The following ATRNL1 variants were observed in gnomAD, a reference collection of about 807,000 sequenced individuals.
ATRNL1 encodes the protein attractin like 1.
Under a neutral mutation model 182.7 loss-of-function variants are expected in ATRNL1, and 95 were observed. The observed-to-expected ratio is 0.52, with a 90% CI of 0.44 to 0.62. The LOEUF (loss-of-function observed/expected upper bound fraction) is 0.62. Ranked by LOEUF, ATRNL1 falls within the 20% of genes least tolerant of loss-of-function variation. The probability of loss-of-function intolerance (pLI) is 0.00; values close to 1 mark genes in which losing one functional copy is unlikely to be tolerated. For synonymous variants in ATRNL1, 576 were observed against 568.3 expected, an observed-to-expected ratio of 1.01 and a Z score of -0.19; for missense variants, 1,471 against 1,679.5, an observed-to-expected ratio of 0.88 and a Z score of 2.17.
intron 18 of ATRNL1, among the ~76,000 whole-genome samples, chr10:115,332,315 C>A (rs1855264111): frequency 6.6e-6 from 1 of 152,126 alleles, no homozygotes; most frequent in African/African-American, 2.4e-5. Flanking sequence ...GCTTCACAGC[C>A]TTACTTGTGC....
At chr10:115,556,982 T>C (rs1170414588) in intron 26 of ATRNL1, among the ~76,000 whole-genome samples, 2 of 151,920 alleles carry the variant, frequency 1.3e-5, no homozygotes, top group East Asian at 3.9e-4. Flanking sequence ...CAGCCAAGTG[T>C]GTTTATTATT....
In ATRNL1 at chr10:115,419,735, T is replaced by C. The variant is rs189732528; in HGVS notation, c.3270-6515T>C. Among the ~76,000 whole-genome samples, 25 of 152,290 alleles carry C rather than the reference T, an allele frequency of 1.6e-4. No homozygotes were observed. The East Asian group carries it at 4.4e-3, about 27-fold the overall frequency. On this transcript the variant is annotated intron_variant, in intron 20 of 28. Coordinates refer to ENST00000355044, the MANE Select transcript of ATRNL1 (RefSeq NM_207303.4). Reference sequence around the variant, plus strand: ...GCAAGCAGATACAATTATAAACATATATGTGCCCACTAGCAGAGGACCTAT... The same window carrying C: ...GCAAGCAGATACAATTATAAACATACATGTGCCCACTAGCAGAGGACCTAT...
intron 24 of ATRNL1, among the ~76,000 whole-genome samples, chr10:115,470,660 A>G (rs1334391660): frequency 6.6e-6 from 1 of 150,532 alleles, no homozygotes. Context: ...TGAATACTTA[A>G]TGGTTAGGAA....
intron 19 of ATRNL1, among the ~76,000 whole-genome samples, chr10:115,394,219 T>C (rs74880703): frequency 1.2e-3 from 181 of 152,194 alleles, no homozygotes; most frequent in African/African-American, 4.1e-3. Context: ...AGTGCTGTTA[T>C]TCTTCTTTTG....
intron 21 of ATRNL1, among the ~76,000 whole-genome samples, chr10:115,438,776 T>C (rs1448043723): frequency 6.6e-6 from 1 of 151,980 alleles, no homozygotes; most frequent in African/African-American, 2.4e-5. Flanking sequence ...GATGAGAGAC[T>C]GATTATCTTG....
At position 115,558,902 on chromosome 10, in the gene ATRNL1, T is replaced by C. The variant is rs927208672; in HGVS notation, c.3795+9366T>C. On this transcript the variant is annotated intron_variant, in intron 26 of 28. Coordinates refer to ENST00000355044, the MANE Select transcript of ATRNL1 (RefSeq NM_207303.4). ...AGCTCACTGTGACTAGCACTTCTCATCCCCCCAGCTCCCTTTTGCAGATGC... is the reference window on the plus strand; with the variant it reads ...AGCTCACTGTGACTAGCACTTCTCACCCCCCCAGCTCCCTTTTGCAGATGC... Among the ~76,000 whole-genome samples, 7 of 152,062 alleles carry C rather than the reference T, an allele frequency of 4.6e-5. No homozygotes were observed. The South Asian group carries it at 8.3e-4, about 18-fold the overall frequency.
chr10:115,093,915 G>T lies in ATRNL1; in HGVS notation c.165G>T (p.Ala55=), dbSNP rs782533195. 3 of 1,597,142 alleles carry T rather than the reference G, an allele frequency of 1.9e-6. No individual in the cohort carries two copies. The highest frequency in any genetic ancestry group is 4.6e-5 in the East Asian group (2 of 43,206). ...CYGFLYLALY[A]QVSQSKPCER... is the part of the protein sequence containing the mutation. ...GCTTCCTCTACCTGGCGCTCTACGC[G>T]CAGGTGTCCCAGTCCAAGCCGTGCG... Residue 55 remains alanine (A), a synonymous_variant, in exon 1 of 29, where the codon GCG becomes GCT. Coordinates refer to ENST00000355044, the MANE Select transcript of ATRNL1 (RefSeq NM_207303.4). The surrounding 1 kb of genome is among the most constrained non-coding windows in gnomAD (Gnocchi z 6.1).
intron 1 of ATRNL1, among the ~76,000 whole-genome samples, chr10:115,101,064 T>C (rs2143423583): frequency 6.6e-6 from 1 of 152,320 alleles, no homozygotes; most frequent in Non-Finnish European, 1.5e-5. Context: ...GTATGTTTGA[T>C]TTTTTATCTT....
In ATRNL1 at chr10:115,425,681, T is replaced by C. The variant is rs190029667; in HGVS notation, c.3270-569T>C. On this transcript the variant is annotated intron_variant, in intron 20 of 28. Coordinates refer to ENST00000355044, the MANE Select transcript of ATRNL1 (RefSeq NM_207303.4). ...TCAAAGTTTGAGCTCCTGAATTTAA[T>C]CTATATTAGTCAATTTTGTTTGGGT... 6.1e-3 allele frequency among the ~76,000 whole-genome samples: 921 copies of C among 152,208 alleles called. 5 individuals are homozygous for C. The highest frequency in any genetic ancestry group is 0.01 in the Non-Finnish European group (709 of 67,930).
At chr10:115,582,822 T>C (rs1264084927) in intron 26 of ATRNL1, among the ~76,000 whole-genome samples, 1 of 151,228 alleles carries the variant, frequency 6.6e-6, no homozygotes, top group South Asian at 2.1e-4. Context: ...TCCTTGCCCA[T>C]GCCTATGTCC....
intron 26 of ATRNL1, among the ~76,000 whole-genome samples, chr10:115,628,403 T>G (rs1044231116): frequency 1.3e-5 from 2 of 152,176 alleles, no homozygotes; most frequent in Non-Finnish European, 2.9e-5. Context: ...TCAAGTTCTT[T>G]GCCCATTTCT....
intron 8 of ATRNL1, among the ~76,000 whole-genome samples, chr10:115,192,636 A>G (rs1171642795): frequency 6.6e-6 from 1 of 152,054 alleles, no homozygotes; most frequent in East Asian, 1.9e-4. Flanking sequence ...GAATGTCATT[A>G]GTATTTTGAT....
Position 115,778,975 on chromosome 10 carries a change from T to A in ATRNL1, c.3903+51620T>A, listed in dbSNP as rs988715274. Reference sequence around the variant, plus strand: ...AGTGGGGTTCAGTAAGTTATTGACATTGTTTAGAATTGCCAATACATGATA... The same window carrying A: ...AGTGGGGTTCAGTAAGTTATTGACAATGTTTAGAATTGCCAATACATGATA... On this transcript the variant is annotated intron_variant, in intron 27 of 28. Transcript: ENST00000355044. Among the ~76,000 whole-genome samples, 3 of 152,188 alleles carry A rather than the reference T, an allele frequency of 2.0e-5. No homozygotes were observed. The East Asian group carries it at 5.8e-4, about 29-fold the overall frequency.
chr10:115,540,725 C>T (rs1554991719), intron 25 of ATRNL1, among the ~76,000 whole-genome samples: 1 of 149,794 alleles, frequency 6.7e-6, no homozygotes, highest in African/African-American at 2.5e-5. Flanking sequence ...CCATTGCACT[C>T]CAGCCTGGGC....
At chr10:115,434,321 A>G (rs1332792570) in intron 21 of ATRNL1, among the ~76,000 whole-genome samples, 1 of 152,192 alleles carries the variant, frequency 6.6e-6, no homozygotes, top group Admixed American at 6.5e-5. Flanking sequence ...AGAACTTACT[A>G]TACTAGACTG....
At chr10:115,223,889 G>A (rs1223997816) in intron 9 of ATRNL1, among the ~76,000 whole-genome samples, 27 of 58,320 alleles carry the variant, frequency 4.6e-4, no homozygotes, top group African/African-American at 2.1e-3. Context: ...TTTAATATAT[G>A]TGTGTGTGTG....
At chr10:115,907,490 C>A (rs1366208402) in intron 28 of ATRNL1, among the ~76,000 whole-genome samples, 1 of 152,004 alleles carries the variant, frequency 6.6e-6, no homozygotes, top group Non-Finnish European at 1.5e-5. Flanking sequence ...GTTTTTACTC[C>A]AAAATAAGAA....
intron 24 of ATRNL1, among the ~76,000 whole-genome samples, chr10:115,470,675 C>A (rs1848266659): frequency 6.7e-6 from 1 of 150,300 alleles, no homozygotes; most frequent in African/African-American, 2.4e-5. Context: ...TAGGAATTAA[C>A]TTTCTAAATT....
chr10:115,436,506 C>T lies in ATRNL1; in HGVS notation c.3322+10204C>T, dbSNP rs182791895. ...TGATATCTAGCAAATGCTGAACCTA[C>T]AAAACTTGTGCAACAGATTTTACTT... On this transcript the variant is annotated intron_variant, in intron 21 of 28. Transcript: ENST00000355044. 1.2e-4 allele frequency among the ~76,000 whole-genome samples: 19 copies of T among 152,154 alleles called. No individual in the cohort carries two copies. In the East Asian group the frequency reaches 3.7e-3, roughly 29 times the overall value.
Sources: allele counts gnomAD v4.1 joint callset (sites outside exome capture counted in the v4.1 genomes callset), GRCh38; gene constraint gnomAD v4.1.1; non-coding constraint Gnocchi (gnomAD v3.1); transcripts MANE v1.5; gene names NCBI Gene and HGNC (gene_info 2026-07-23, HGNC 2026-07-21).